SLC35F4: variants seen among roughly 807,000 people sequenced by gnomAD.
SLC35F4 encodes the protein solute carrier family 35 member F4.
SLC35F4 carries 24 observed loss-of-function variants against 44.2 expected under a neutral mutation model. The ratio of observed to expected loss-of-function variants is 0.54; its 90% CI spans 0.39 to 0.76. The LOEUF is 0.76. SLC35F4 is among the 30% of genes least tolerant of loss of function. The probability of loss-of-function intolerance (pLI) is 0.00; values close to 1 mark genes in which losing one functional copy is unlikely to be tolerated. For synonymous variants in SLC35F4, 238 were observed against 223.6 expected (o/e 1.06, Z -0.57); for missense variants, 562 against 586.1 (o/e 0.96, Z 0.42).
chr14:57,710,242 A>G (rs2140398742), intron 1 of SLC35F4, among the ~76,000 whole-genome samples: 1 of 152,360 alleles, frequency 6.6e-6, no homozygotes, highest in Middle Eastern at 3.4e-3. Flanking sequence ...TGCAAGCCCT[A>G]AGCCTTCACA....
chr14:57,954,485 G>A (rs1594650440), intron 1 of SLC35F4, among the ~76,000 whole-genome samples: 1 of 152,076 alleles, frequency 6.6e-6, no homozygotes, highest in African/African-American at 2.4e-5. Flanking sequence ...GAATCCAGGA[G>A]CTGCGTTTTT....
At chr14:57,961,766 C>T (rs1048055209) in intron 1 of SLC35F4, among the ~76,000 whole-genome samples, 1 of 152,200 alleles carries the variant, frequency 6.6e-6, no homozygotes, top group Non-Finnish European at 1.5e-5. Context: ...TGGAATGCTT[C>T]AGCCTATTTG....
intron 1 of SLC35F4, among the ~76,000 whole-genome samples, chr14:57,857,513 A>C (rs1183466112): frequency 5.3e-5 from 8 of 151,974 alleles, no homozygotes; most frequent in Admixed American, 3.3e-4. Flanking sequence ...GAAAATAATT[A>C]TCTCTCTAAT....
chr14:57,759,132 T>C (rs1248979397), intron 1 of SLC35F4, among the ~76,000 whole-genome samples: 1 of 152,232 alleles, frequency 6.6e-6, no homozygotes, highest in Non-Finnish European at 1.5e-5. Flanking sequence ...ATTCATCTAC[T>C]GATGGACATT....
At chr14:57,793,738 T>C (rs1388275313) in intron 1 of SLC35F4, among the ~76,000 whole-genome samples, 1 of 152,128 alleles carries the variant, frequency 6.6e-6, no homozygotes, top group Non-Finnish European at 1.5e-5. Context: ...TGGGTAGATT[T>C]CCCAGCAGTG....
intron 1 of SLC35F4, among the ~76,000 whole-genome samples, chr14:57,784,427 T>C (rs1469566370): frequency 6.6e-6 from 1 of 152,204 alleles, no homozygotes; most frequent in Non-Finnish European, 1.5e-5. Flanking sequence ...CTCATGCCTG[T>C]AATTACAACA....
intron 1 of SLC35F4, among the ~76,000 whole-genome samples, chr14:57,681,507 T>A (rs8008672): frequency 0.15 from 22,394 of 151,938 alleles, 1,892 homozygotes; most frequent in East Asian, 0.29. Context: ...TTAACTCAAG[T>A]TGGATTAAAG....
chr14:57,877,635 A>G lies in SLC35F4; in HGVS notation n.282+104278T>C, dbSNP rs1039421750. ...CCCACCAGTAGTATATAAGTGTTCC[A>G]TTTTCTCCACAACCTTGCCAGCATC... On this transcript the variant is annotated intron_variant and non_coding_transcript_variant, in intron 1 of 1. Coordinates refer to the SLC35F4 transcript ENST00000556568. 5.2e-5 allele frequency among the ~76,000 whole-genome samples: 6 copies of G among 115,054 alleles called. No individual in the cohort carries two copies. The East Asian group carries it at 1.1e-3, about 20-fold the overall frequency. 75.5% of individuals were successfully genotyped at this position (115,054 alleles called of 152,430 possible).
chr14:57,857,145 T>G (rs2141000461), intron 1 of SLC35F4, among the ~76,000 whole-genome samples: 1 of 151,788 alleles, frequency 6.6e-6, no homozygotes, highest in South Asian at 2.1e-4. Flanking sequence ...GGCATGGTGG[T>G]GCATGCCTGT....
chr14:57,893,524 C>T (rs1320269663), intron 1 of SLC35F4, among the ~76,000 whole-genome samples: 1 of 152,194 alleles, frequency 6.6e-6, no homozygotes, highest in Admixed American at 6.6e-5. Flanking sequence ...TCTGCCATTA[C>T]ACCTCATTGC....
At chr14:57,822,738 C>T (rs1883307974) in intron 1 of SLC35F4, among the ~76,000 whole-genome samples, 1 of 152,126 alleles carries the variant, frequency 6.6e-6, no homozygotes, top group Non-Finnish European at 1.5e-5. Context: ...TGCTGAATAA[C>T]CTACCCTAAA....
At chr14:57,726,930 C>T (rs1336845090) in intron 1 of SLC35F4, among the ~76,000 whole-genome samples, 3 of 152,048 alleles carry the variant, frequency 2.0e-5, no homozygotes, top group African/African-American at 7.2e-5. Flanking sequence ...TAGAAAAACA[C>T]AAAAAGGCTA....
intron 4 of SLC35F4, among the ~76,000 whole-genome samples, chr14:57,579,710 A>AC (rs1264228132): frequency 1.2e-4 from 19 of 152,080 alleles, no homozygotes; most frequent in Admixed American, 9.8e-4. Context: ...TATCAATCGA[A>AC]CCCCCACTTC....
At chr14:57,721,988 C>T (rs200370874) in intron 1 of SLC35F4, among the ~76,000 whole-genome samples, 3 of 151,488 alleles carry the variant, frequency 2.0e-5, no homozygotes, top group African/African-American at 4.9e-5. Flanking sequence ...AGATCTATAA[C>T]TAAAGTCCTT....
chr14:57,904,697 G>T (rs978550741), intron 1 of SLC35F4, among the ~76,000 whole-genome samples: 2 of 152,120 alleles, frequency 1.3e-5, no homozygotes, highest in African/African-American at 4.8e-5. Flanking sequence ...GCCCCGCTAG[G>T]TGGATACCGT....
intron 4 of SLC35F4, among the ~76,000 whole-genome samples, chr14:57,580,795 A>G (rs1217766011): frequency 4.6e-5 from 7 of 152,108 alleles, no homozygotes; most frequent in Non-Finnish European, 1.5e-5. Flanking sequence ...TTACACCAAT[A>G]TTAATTAAGT....
At chr14:57,816,295 T>C (rs545072527) in intron 1 of SLC35F4, among the ~76,000 whole-genome samples, 2 of 152,320 alleles carry the variant, frequency 1.3e-5, no homozygotes, top group East Asian at 1.9e-4. Context: ...AGGAGGCTAT[T>C]GTCTACTGAT....
At chr14:57,693,090 C>T (rs954658536) in intron 1 of SLC35F4, among the ~76,000 whole-genome samples, 3 of 151,998 alleles carry the variant, frequency 2.0e-5, no homozygotes, top group South Asian at 4.2e-4. Context: ...TATGAGAGCC[C>T]GTTTTGATTC....
intron 1 of SLC35F4, among the ~76,000 whole-genome samples, chr14:57,705,678 A>G (rs549189188): frequency 6.6e-6 from 1 of 152,232 alleles, no homozygotes; most frequent in East Asian, 1.9e-4. Flanking sequence ...AGACCAATGG[A>G]TGATGTCACT....
Sources: gnomAD v4.1 joint callset for allele counts (sites outside exome capture counted in the v4.1 genomes callset) on GRCh38, gnomAD v4.1.1 for gene constraint, MANE v1.5 for transcripts, NCBI Gene and HGNC (gene_info 2026-07-23, HGNC 2026-07-21) for gene names.